STX7: variants seen among roughly 807,000 people sequenced by gnomAD.
The protein encoded by STX7 is syntaxin-7.
STX7 carries 34 observed loss-of-function variants against 39.6 expected under a neutral mutation model. That is an observed-to-expected ratio of 0.86 (90% CI 0.65 to 1.14). The LOEUF is 1.14. STX7 is among the 50% of genes most tolerant of loss of function. The pLI is 0.00. For synonymous variants in STX7, 119 were observed against 99.1 expected (o/e 1.20, Z -1.19); for missense variants, 284 against 310.4 (o/e 0.92, Z 0.64).
intron 2 of STX7, 147 bp from the exon 3 acceptor site, chr6:132,475,809 ATAAC>A (rs955169581): frequency 4.1e-5 from 19 of 468,838 alleles, no homozygotes; most frequent in Non-Finnish European, 6.6e-5. Context: ...GGAAAAAAGA[ATAAC>A]TAAATGGTTT....
intron 2 of STX7, among the ~76,000 whole-genome samples, chr6:132,476,924 T>A (rs1036988713): frequency 6.6e-6 from 1 of 152,156 alleles, no homozygotes; most frequent in East Asian, 1.9e-4. Context: ...CTCTTAACAA[T>A]CTAACCCCCT....
intron 2 of STX7, among the ~76,000 whole-genome samples, 157 bp from the exon 3 acceptor site, chr6:132,475,819 G>A (rs1180485354): frequency 6.6e-6 from 1 of 152,018 alleles, no homozygotes; most frequent in Non-Finnish European, 1.5e-5. Context: ...ATAACTAAAT[G>A]GTTTACTTAA....
At chr6:132,484,661 A>G (rs1420006849) in intron 2 of STX7, among the ~76,000 whole-genome samples, 1 of 152,200 alleles carries the variant, frequency 6.6e-6, no homozygotes, top group Non-Finnish European at 1.5e-5. Context: ...AGAAAAAAAA[A>G]TAATGGTTAG....
chr6:132,498,780 C>T (rs868127170), intron 2 of STX7, among the ~76,000 whole-genome samples: 14 of 152,308 alleles, frequency 9.2e-5, no homozygotes, highest in Middle Eastern at 6.8e-3. Context: ...CACGTGATTT[C>T]TGCATAGCCC....
Position 132,456,152 on chromosome 6 carries a change from G to A in STX7, c.*4606C>T, listed in dbSNP as rs933190616. 6.6e-6 allele frequency: 1 copy of A among 151,938 alleles called. No individual in the cohort carries two copies. Among genetic ancestry groups the A allele is most frequent in the African/African-American group, 2.4e-5 (1 of 41,360 alleles). 9.4% of individuals were successfully genotyped at this position (151,938 alleles called of 1,614,324 possible). ...CCACCAAGAGAACGGCTCCTTTTTG[G>A]AGCCATTACACACAGATCATCACTC... On this transcript the variant is annotated 3_prime_UTR_variant, in exon 10 of 10. Coordinates refer to ENST00000367941, the MANE Select transcript of STX7 (RefSeq NM_003569.3).
chr6:132,482,602 A>T (rs563728258), intron 2 of STX7, among the ~76,000 whole-genome samples: 7 of 152,236 alleles, frequency 4.6e-5, no homozygotes, highest in African/African-American at 1.7e-4. Context: ...GTTAAAACAC[A>T]TTATTTCATA....
intron 1 of STX7, among the ~76,000 whole-genome samples, chr6:132,510,823 G>A (rs1349557172): frequency 2.6e-5 from 4 of 152,164 alleles, no homozygotes; most frequent in Admixed American, 6.5e-5. Flanking sequence ...TTCTCAAGAC[G>A]GCTTCTAAAG....
intron 2 of STX7, among the ~76,000 whole-genome samples, chr6:132,483,235 T>A (rs538208092): frequency 6.6e-6 from 1 of 152,330 alleles, no homozygotes; most frequent in East Asian, 1.9e-4. Flanking sequence ...TATTTGCATA[T>A]AACCTATGCA....
upstream of STX7, among the ~76,000 whole-genome samples, chr6:132,513,447 C>T (rs1489626340): frequency 6.6e-6 from 1 of 152,152 alleles, no homozygotes; most frequent in Non-Finnish European, 1.5e-5. Flanking sequence ...GTTGACAGCT[C>T]TATCGAAAAA....
At position 132,457,649 on chromosome 6, in the gene STX7, T is replaced by C. The variant is rs1403950868; in HGVS notation, c.*3109A>G. The C allele has an allele frequency of 6.6e-6, 1 of 152,202 alleles. No individual in the cohort carries two copies. The highest frequency in any genetic ancestry group is 1.9e-4 in the East Asian group (1 of 5,200). 9.4% of individuals were successfully genotyped at this position (152,202 alleles called of 1,614,324 possible). ...GGGATTCACAGGCTCATTTTTTGTT[T>C]TAACTGAATCATGAAAATACACAAC... On this transcript the variant is annotated 3_prime_UTR_variant, in exon 10 of 10. Coordinates refer to ENST00000367941, the MANE Select transcript of STX7 (RefSeq NM_003569.3).
intron 2 of STX7, among the ~76,000 whole-genome samples, chr6:132,492,217 T>C (rs1775307114): frequency 6.6e-6 from 1 of 152,208 alleles, no homozygotes; most frequent in Non-Finnish European, 1.5e-5. Context: ...TTTCCCTAGA[T>C]ACTGTGGGAC....
rs542474811 is a variant in STX7, at chr6:132,451,479, T to C, written c.*9279A>G. 1 of 152,256 alleles carries C rather than the reference T, an allele frequency of 6.6e-6. No individual in the cohort carries two copies. The highest frequency in any genetic ancestry group is 1.9e-4 in the East Asian group (1 of 5,182). 9.4% of individuals were successfully genotyped at this position (152,256 alleles called of 1,614,324 possible). On this transcript the variant is annotated 3_prime_UTR_variant, in exon 10 of 10. Transcript: ENST00000367941. ...ATGTCTAATGTAAATATTCTTCAGA[T>C]ATCAAGGGAAAATCAAGACATTTTC...
chr6:132,459,759 C>T lies in STX7; in HGVS notation c.*999G>A, dbSNP rs993718906. 4.6e-5 allele frequency: 7 copies of T among 152,070 alleles called. No homozygotes were observed. Among genetic ancestry groups the T allele is most frequent in the African/African-American group, 1.7e-4 (7 of 41,424 alleles). The allele number at this position is 152,070 out of a possible 1,614,324, so 9.4% of individuals were successfully genotyped here. ...GAGATAACTGGCAAACCTCCAATTG[C>T]TTTTTTAATGAAGGATGACACAAAA... On this transcript the variant is annotated 3_prime_UTR_variant, in exon 10 of 10. Coordinates refer to ENST00000367941, the MANE Select transcript of STX7 (RefSeq NM_003569.3).
At chr6:132,504,063 T>C (rs1775641456) in intron 1 of STX7, among the ~76,000 whole-genome samples, 1 of 152,190 alleles carries the variant, frequency 6.6e-6, no homozygotes, top group Non-Finnish European at 1.5e-5. Flanking sequence ...TTCACTGTAT[T>C]AGGTTGTGCA....
intron 2 of STX7, among the ~76,000 whole-genome samples, chr6:132,501,984 C>T (rs1017171609): frequency 1.3e-5 from 2 of 152,114 alleles, no homozygotes; most frequent in Non-Finnish European, 2.9e-5. Context: ...TGACAAACTG[C>T]AGCAGTTCTC....
At chr6:132,500,190 T>C (rs1047073739) in intron 2 of STX7, among the ~76,000 whole-genome samples, 1 of 152,150 alleles carries the variant, frequency 6.6e-6, no homozygotes, top group Non-Finnish European at 1.5e-5. Flanking sequence ...AGTAATTTTT[T>C]CACAGTGTAG....
In STX7 at chr6:132,456,136, G is replaced by A. The variant is rs1298492631; in HGVS notation, c.*4622C>T. The A allele has an allele frequency of 6.6e-6, 1 of 152,150 alleles. No individual in the cohort carries two copies. The highest frequency in any genetic ancestry group is 1.5e-5 in the Non-Finnish European group (1 of 68,040). 9.4% of individuals were successfully genotyped at this position (152,150 alleles called of 1,614,324 possible). On this transcript the variant is annotated 3_prime_UTR_variant, in exon 10 of 10. Transcript: ENST00000367941. ...CTGAATCCAACTGCTGCCACCAAGA[G>A]AACGGCTCCTTTTTGGAGCCATTAC...
At chr6:132,462,436 G>C (rs987443364) in intron 9 of STX7, among the ~76,000 whole-genome samples, 1 of 152,186 alleles carries the variant, frequency 6.6e-6, no homozygotes, top group African/African-American at 2.4e-5. Flanking sequence ...ACAAGGAAGA[G>C]GAAGAGTAAA....
At chr6:132,489,462 T>G (rs1347953952) in intron 2 of STX7, among the ~76,000 whole-genome samples, 2 of 152,182 alleles carry the variant, frequency 1.3e-5, no homozygotes, top group African/African-American at 4.8e-5. Context: ...AAAAACTTCC[T>G]GGAGAATGTG....
Sources: allele counts gnomAD v4.1 joint callset (sites outside exome capture counted in the v4.1 genomes callset), GRCh38; gene constraint gnomAD v4.1.1; transcripts MANE v1.5; gene names NCBI Gene and HGNC (gene_info 2026-07-23, HGNC 2026-07-21).